ANXA5: variants seen among roughly 807,000 people sequenced by gnomAD.
ANXA5 encodes the protein annexin A5.
Under a neutral mutation model 48.1 loss-of-function variants are expected in ANXA5, and 40 were observed. That is an observed-to-expected ratio of 0.83 (90% CI 0.65 to 1.08). ANXA5 has a LOEUF of 1.08. ANXA5 is among the 50% of genes least tolerant of loss of function. The pLI, the probability that ANXA5 is intolerant of heterozygous loss-of-function variation, is 0.00. For missense variants in ANXA5, 357 were observed against 376.8 expected, an observed-to-expected ratio of 0.95 and a Z score of 0.44; for synonymous variants, 113 against 129.1, an observed-to-expected ratio of 0.88 and a Z score of 0.85.
intron 2 of ANXA5, among the ~76,000 whole-genome samples, chr4:121,691,515 T>C (rs1386478958): frequency 6.7e-6 from 1 of 149,220 alleles, no homozygotes; most frequent in African/African-American, 2.4e-5. Flanking sequence ...TTCCATATAA[T>C]CAATATTTAC....
chr4:121,671,437 T>C, intron 10 of ANXA5, 110 bp downstream of exon 10: 2 of 742,238 alleles, frequency 2.7e-6, no homozygotes, highest in Non-Finnish European at 4.6e-6. Flanking sequence ...CTAAATATCA[T>C]ATCAAGCTCT....
chr4:121,690,475 T>C (rs1483265708), intron 2 of ANXA5, among the ~76,000 whole-genome samples: 1 of 152,066 alleles, frequency 6.6e-6, no homozygotes, highest in African/African-American at 2.4e-5. Flanking sequence ...TCTTTGGTGG[T>C]GTTTAACAGT....
At chr4:121,694,974 T>C (rs115810739) in intron 2 of ANXA5, among the ~76,000 whole-genome samples, 2,630 of 152,318 alleles carry the variant, frequency 0.017, 34 homozygotes, top group East Asian at 0.042. Context: ...CTGGAAAATA[T>C]GTTCGCTTAT....
At chr4:121,681,468 T>C (rs1161670128) in intron 6 of ANXA5, 1 of 441,186 alleles carries the variant, frequency 2.3e-6, no homozygotes, top group Non-Finnish European at 4.0e-6. Flanking sequence ...TCTTATAAAA[T>C]ATGAAAATAG....
At chr4:121,684,849 G>C in intron 3 of ANXA5, 78 bp from the exon 4 acceptor site, 1 of 1,123,120 alleles carries the variant, frequency 8.9e-7, no homozygotes, top group Admixed American at 1.8e-5. Context: ...TCGCTTCCCA[G>C]TCACCTTATT....
intron 10 of ANXA5, among the ~76,000 whole-genome samples, chr4:121,670,903 T>A (rs1341529455): frequency 6.6e-6 from 1 of 152,010 alleles, no homozygotes; most frequent in African/African-American, 2.4e-5. Flanking sequence ...CAAGGCCAAA[T>A]ACTTGGAACA....
intron 2 of ANXA5, among the ~76,000 whole-genome samples, chr4:121,691,355 A>G (rs1724981442): frequency 6.6e-6 from 1 of 152,060 alleles, no homozygotes; most frequent in Non-Finnish European, 1.5e-5. Context: ...CAACCAAACA[A>G]CAAGGGAAGG....
At position 121,669,740 on chromosome 4, in the gene ANXA5, AAAAG is replaced by A. The variant is rs755305215; in HGVS notation, c.781-20_781-17del. ...TCCCAGCTCCCTTTAAAAAAAAAAA[AAAAG>A]AGAGAAGCAAAATGCTTAAAAACTT... On this transcript the variant is annotated splice_polypyrimidine_tract_variant and intron_variant, in intron 11 of 12. Coordinates refer to ENST00000296511, the MANE Select transcript of ANXA5 (RefSeq NM_001154.4). The A allele has an allele frequency of 2.5e-6, 4 of 1,581,210 alleles. No individual in the cohort carries two copies. Among genetic ancestry groups the A allele is most frequent in the Non-Finnish European group, 3.4e-6 (4 of 1,171,948 alleles).
At chr4:121,670,374 G>A (rs1724593659) in intron 10 of ANXA5, among the ~76,000 whole-genome samples, 1 of 152,090 alleles carries the variant, frequency 6.6e-6, no homozygotes, top group Admixed American at 6.5e-5. Context: ...AAATCCCTTG[G>A]AAGTTTTCAT....
chr4:121,693,252 C>T (rs10008778), intron 2 of ANXA5, among the ~76,000 whole-genome samples: 1 of 150,590 alleles, frequency 6.6e-6, no homozygotes, highest in Non-Finnish European at 1.5e-5. Flanking sequence ...AAAAAAAAAA[C>T]CCAAAAAACT....
chr4:121,669,655 T>G lies in ANXA5; in HGVS notation c.850A>C (p.Ile284Leu), dbSNP rs762284827. Residue 284 changes from isoleucine to leucine, a missense_variant, in exon 12 of 13, where the codon ATC (isoleucine) becomes CTC (leucine). Ile to Leu is a conservative substitution (Grantham distance 5, BLOSUM62 2). Transcript: ENST00000296511. The stretch of plus-strand genomic sequence containing the variant: ...AAATTCTTCCTAAACTCCTTCCTGA[T>G]GTTAAACAGATCAATCTCACTCCTG... Reference protein sequence around the residue: ...VSRSEIDLFNIRKEFRKNFAT... With the variant: ...VSRSEIDLFNLRKEFRKNFAT... 2 of 1,613,240 alleles carry G rather than the reference T, an allele frequency of 1.2e-6. No homozygotes were observed. The highest frequency in any genetic ancestry group is 2.2e-5 in the South Asian group (2 of 91,058).
chr4:121,672,062 G>C (rs1475916794), intron 9 of ANXA5, among the ~76,000 whole-genome samples: 1 of 152,102 alleles, frequency 6.6e-6, no homozygotes, highest in Non-Finnish European at 1.5e-5. Context: ...AGAAAAACCA[G>C]AAAGATCTCA....
intron 8 of ANXA5, among the ~76,000 whole-genome samples, chr4:121,676,903 CAG>C (rs1337558303): frequency 6.6e-6 from 1 of 152,134 alleles, no homozygotes; most frequent in East Asian, 1.9e-4. Context: ...ATGGAACCAC[CAG>C]AGTCTGAAGG....
intron 2 of ANXA5, among the ~76,000 whole-genome samples, chr4:121,692,480 T>C (rs748424605): frequency 1.5e-4 from 23 of 152,226 alleles, no homozygotes; most frequent in East Asian, 1.9e-4. Flanking sequence ...TGAGTTCACA[T>C]TGAAGGTCAG....
At chr4:121,692,536 G>A (rs1434378615) in intron 2 of ANXA5, among the ~76,000 whole-genome samples, 1 of 152,182 alleles carries the variant, frequency 6.6e-6, no homozygotes, top group Non-Finnish European at 1.5e-5. Context: ...GGCATTCCAT[G>A]AATAACACTT....
At chr4:121,684,227 A>AT (rs558888026) in intron 4 of ANXA5, among the ~76,000 whole-genome samples, 1 of 152,148 alleles carries the variant, frequency 6.6e-6, no homozygotes. Flanking sequence ...ATTCAAATAA[A>AT]TTTTTTTGAA....
chr4:121,696,669 T>G, intron 1 of ANXA5, 45 bp from the exon 2 acceptor site: 1 of 1,254,866 alleles, frequency 8.0e-7, no homozygotes, highest in Non-Finnish European at 1.0e-6. Flanking sequence ...CATTTGCAAC[T>G]CGTGCCCTCC....
intron 6 of ANXA5, chr4:121,681,466 A>G (rs1724791538): frequency 2.3e-6 from 1 of 436,944 alleles, no homozygotes; most frequent in Non-Finnish European, 4.1e-6. Context: ...CTTCTTATAA[A>G]ATATGAAAAT....
intron 10 of ANXA5, 93 bp downstream of exon 10, chr4:121,671,452 TCA>T: frequency 1.1e-6 from 1 of 877,888 alleles, no homozygotes; most frequent in Non-Finnish European, 1.9e-6. Context: ...AGCTCTTCCT[TCA>T]CACCTAGGTG....
Sources: gnomAD v4.1 joint callset for allele counts (sites outside exome capture counted in the v4.1 genomes callset) on GRCh38, gnomAD v4.1.1 for gene constraint, MANE v1.5 for transcripts, NCBI Gene and HGNC (gene_info 2026-07-23, HGNC 2026-07-21) for gene names.